Variants in HCLS1 observed in about 807,000 individuals in gnomAD.
HCLS1 encodes hematopoietic cell-specific Lyn substrate 1.
In HCLS1, 44 loss-of-function variants were observed where a neutral mutation model predicts 68.6. The observed-to-expected ratio is 0.64, with a 90% CI of 0.50 to 0.82. The LOEUF (loss-of-function observed/expected upper bound fraction) is 0.82, where lower values mean the gene tolerates loss of function less well. Ranked by LOEUF, HCLS1 falls within the 40% of genes least tolerant of loss-of-function variation. The pLI, the probability that HCLS1 is intolerant of heterozygous loss-of-function variation, is 0.00. For missense variants in HCLS1, 602 were observed against 612.1 expected, an observed-to-expected ratio of 0.98 and a Z score of 0.17; for synonymous variants, 217 against 225.8, an observed-to-expected ratio of 0.96 and a Z score of 0.35.
At chr3:121,655,940 C>T (rs1232623692) in intron 3 of HCLS1, 1 of 151,816 alleles carries the variant, frequency 6.6e-6, no homozygotes, top group African/African-American at 2.4e-5. Flanking sequence ...CCTGTGCCTC[C>T]TGGGTTCAAG....
intron 3 of HCLS1, among the ~76,000 whole-genome samples, chr3:121,652,268 T>C (rs1403543840): frequency 6.6e-6 from 1 of 152,208 alleles, no homozygotes; most frequent in Non-Finnish European, 1.5e-5. Flanking sequence ...GTAATAGATA[T>C]ATTCTATATC....
chr3:121,644,761 G>A (rs537609500), intron 5 of HCLS1, 57 bp downstream of exon 5: 34 of 1,199,128 alleles, frequency 2.8e-5, no homozygotes, highest in Admixed American at 2.7e-4. Flanking sequence ...AGGGGTGATC[G>A]TGGGCAATTT....
At chr3:121,655,439 T>C (rs556789273) in intron 3 of HCLS1, 37 of 151,086 alleles carry the variant, frequency 2.4e-4, no homozygotes, top group African/African-American at 8.2e-4. Flanking sequence ...AGTTATTTCA[T>C]TTTTTTATGA....
chr3:121,660,244 G>A (rs1937962108), intron 1 of HCLS1, among the ~76,000 whole-genome samples: 1 of 152,322 alleles, frequency 6.6e-6, no homozygotes, highest in East Asian at 1.9e-4. Context: ...GATTTTCCCA[G>A]TGGAAAATAA....
chr3:121,646,888 A>C (rs1004619919), intron 4 of HCLS1, among the ~76,000 whole-genome samples: 1 of 144,992 alleles, frequency 6.9e-6, no homozygotes, highest in Non-Finnish European at 1.5e-5. Flanking sequence ...CTTATTATAG[A>C]GGTATATAAT....
rs770634522 is a variant in HCLS1, at chr3:121,647,329, C to T, written c.278G>A (p.Arg93Gln). The T allele has an allele frequency of 6.2e-6, 10 of 1,613,862 alleles. No individual in the cohort carries two copies. In the East Asian group the frequency reaches 8.9e-5, roughly 14 times the overall value. ...YGGRFGVERD[R>Q]MDKSAVGHEY... ...TCCCTTTCAACTTACCTTGTCCATT[C>T]GGTCTCTTTCTACTCCAAACCGACC... Residue 93 changes from arginine (R) to glutamine (Q), a missense_variant, in exon 4 of 14, where the codon CGA becomes CAA. Transcript: ENST00000314583.
chr3:121,644,954 G>C (rs767290391), intron 4 of HCLS1, 26 bp from the exon 5 acceptor site: 1 of 1,528,124 alleles, frequency 6.5e-7, no homozygotes, highest in South Asian at 1.1e-5. Context: ...GATGGAGTGA[G>C]TGAAAAGATA....
chr3:121,642,938 GT>G lies in HCLS1; in HGVS notation c.442del (p.Thr148HisfsTer81). On this transcript the variant is annotated frameshift_variant, in exon 6 of 14. Coordinates refer to ENST00000314583, the MANE Select transcript of HCLS1 (RefSeq NM_005335.6). LOFTEE classifies it high-confidence loss of function. ...TACAGTGTCCTTGCCTTTCTGAGAT[GT>G]GTGCTTCTCCACTTCTCCTTTATAA... ...FDYKGEVEKH[T>X]SQKDYSRGFG... 1 of 1,613,000 alleles carries G rather than the reference GT, an allele frequency of 6.2e-7. No homozygotes were observed. The highest frequency in any genetic ancestry group is 8.5e-7 in the Non-Finnish European group (1 of 1,179,004).
rs773603244 is a variant in HCLS1 at position 121,642,928 on chromosome 3, T to C, written c.453A>G (p.Lys151=). Residue 151 remains lysine, a splice_region_variant and synonymous_variant, in exon 6 of 14, where the codon AAA becomes AAG. Coordinates refer to ENST00000314583, the MANE Select transcript of HCLS1 (RefSeq NM_005335.6). The part of the protein sequence containing the change: ...KGEVEKHTSQ[K]DYSRGFGGRY... ...CTGAGTGAAGTACAGTGTCCTTGCC[T>C]TTCTGAGATGTGTGCTTCTCCACTT... is the stretch of plus-strand genomic sequence containing the variant. 1.2e-6 allele frequency: 2 copies of C among 1,612,234 alleles called. No homozygotes were observed. Among genetic ancestry groups the C allele is most frequent in the Non-Finnish European group, 1.7e-6 (2 of 1,178,290 alleles).
At chr3:121,635,836 G>A in intron 8 of HCLS1, 32 bp from the exon 9 acceptor site, 1 of 1,593,832 alleles carries the variant, frequency 6.3e-7, no homozygotes, top group Non-Finnish European at 8.6e-7. Context: ...GTGTGTTGCG[G>A]GAGAGGGGCA....
chr3:121,640,802 GA>G (rs1199037707), intron 6 of HCLS1, among the ~76,000 whole-genome samples: 1 of 107,924 alleles, frequency 9.3e-6, no homozygotes, highest in African/African-American at 3.5e-5. Flanking sequence ...GAGGGGAGGG[GA>G]GGGGAGGGGA....
chr3:121,643,287 C>T, intron 5 of HCLS1: 1 of 242,218 alleles, frequency 4.1e-6, no homozygotes, highest in African/African-American at 2.2e-5. Context: ...GAGAGGCATG[C>T]CTGCCTTATC....
At chr3:121,635,271 C>G (rs961948170) in intron 9 of HCLS1, among the ~76,000 whole-genome samples, 3 of 145,802 alleles carry the variant, frequency 2.1e-5, no homozygotes, top group Non-Finnish European at 4.5e-5. Flanking sequence ...CTCTCTCTCT[C>G]TCTCCTCTCT....
rs2108858087 is a variant in HCLS1, at chr3:121,636,493, C to T, written c.566-4G>A. The T allele has an allele frequency of 6.2e-7, 1 of 1,612,360 alleles. No individual in the cohort carries two copies. Among genetic ancestry groups the T allele is most frequent in the Non-Finnish European group, 8.5e-7 (1 of 1,178,512 alleles). ...CCACCAAAGCCCTTGGCATAATCTG[C>T]AGGACAGAAAGTTCTGAGTTATAGG... is the stretch of plus-strand genomic sequence containing the variant. On this transcript the variant is annotated splice_region_variant and splice_polypyrimidine_tract_variant and intron_variant, in intron 7 of 13. Coordinates refer to ENST00000314583, the MANE Select transcript of HCLS1 (RefSeq NM_005335.6).
At chr3:121,635,694 A>AAGG (rs776739600) in intron 9 of HCLS1, 41 bp downstream of exon 9, 160 of 1,478,500 alleles carry the variant, frequency 1.1e-4, no homozygotes, top group Non-Finnish European at 9.5e-6. Context: ...AATGAGGGAG[A>AAGG]AGGAAGTGAG....
Position 121,634,352 on chromosome 3 carries a change from T to C in HCLS1, c.758A>G (p.Glu253Gly). The stretch of plus-strand genomic sequence containing the variant: ...CACCTGCTGTGCCTTCTCCTCTTCC[T>C]CTCGCTTCCTCTTCTCCTCAGCCAT... Reference protein sequence around the residue: ...ESMAEEKRKREEEEKAQQVAR... With the variant: ...ESMAEEKRKRGEEEKAQQVAR... Residue 253 changes from glutamate (E) to glycine (G), a missense_variant, in exon 10 of 14, where the codon GAG becomes GGG. By Grantham distance (98) the Glu-to-Gly change is moderately conservative. Transcript: ENST00000314583. 6.2e-7 allele frequency: 1 copy of C among 1,614,150 alleles called. No individual in the cohort carries two copies. Among genetic ancestry groups the C allele is most frequent in the Non-Finnish European group, 8.5e-7 (1 of 1,179,984 alleles).
At chr3:121,635,266 T>TCTCTCTC (rs1242055608) in intron 9 of HCLS1, among the ~76,000 whole-genome samples, 1 of 124,146 alleles carries the variant, frequency 8.1e-6, no homozygotes, top group Non-Finnish European at 1.9e-5. Flanking sequence ...TCTCTCTCTC[T>TCTCTCTC]CTCTCTCTCC....
In HCLS1 at chr3:121,660,823, C is replaced by T. The variant is rs1434536467; in HGVS notation, c.-4G>A. 6.6e-6 allele frequency: 1 copy of T among 152,512 alleles called. No homozygotes were observed. Among genetic ancestry groups the T allele is most frequent in the Non-Finnish European group, 1.5e-5 (1 of 68,162 alleles). The allele number at this position is 152,512 out of a possible 1,614,324, so 9.4% of individuals were successfully genotyped here. ...TCCCATGGCTCAGAGTACCCACCTC[C>T]ACCTGTGCAAGCCTCTGTTCTAAGC... On this transcript the variant is annotated 5_prime_UTR_variant, in exon 1 of 14. Coordinates refer to ENST00000314583, the MANE Select transcript of HCLS1 (RefSeq NM_005335.6).
chr3:121,647,369 A>C lies in HCLS1; in HGVS notation c.238T>G (p.Ser80Ala), dbSNP rs199972787. 1.7e-4 allele frequency: 280 copies of C among 1,613,594 alleles called. No individual in the cohort carries two copies. Among genetic ancestry groups the C allele is most frequent in the Non-Finnish European group, 1.8e-4 (212 of 1,179,812 alleles). The change falls in exon 4 of 14, where the codon TCC becomes GCC. Residue 80 changes from serine to alanine, a missense_variant. By Grantham distance (99) the Ser-to-Ala change is moderately conservative (BLOSUM62 1). Transcript: ENST00000314583. ...KKEMESGPKA[S>A]HGYGGRFGVE... ...CCAAACCGACCTCCATAGCCATGGG[A>C]TGCTTTGGGCCCTGACTCCATCTCT...
Sources: allele counts gnomAD v4.1 joint callset (sites outside exome capture counted in the v4.1 genomes callset), GRCh38; gene constraint gnomAD v4.1.1; transcripts MANE v1.5; gene names NCBI Gene and HGNC (gene_info 2026-07-23, HGNC 2026-07-21).